The following GRM8 variants were observed in gnomAD, a reference collection of about 807,000 sequenced individuals.
GRM8 encodes metabotropic glutamate receptor 8.
GRM8 carries 47 observed loss-of-function variants against 87.2 expected under a neutral mutation model. That is an observed-to-expected ratio of 0.54 (90% CI 0.43 to 0.69). GRM8 has a LOEUF of 0.69. Ranked by LOEUF, GRM8 falls within the 30% of genes least tolerant of loss-of-function variation. GRM8 has a pLI of 0.00. For missense variants in GRM8, 1,019 were observed against 1,139.2 expected, an observed-to-expected ratio of 0.89 and a Z score of 1.52; for synonymous variants, 396 against 404.5, an observed-to-expected ratio of 0.98 and a Z score of 0.25.
intron 3 of GRM8, among the ~76,000 whole-genome samples, chr7:127,096,213 G>C (rs1413772432): frequency 6.6e-6 from 1 of 152,108 alleles, no homozygotes; most frequent in African/African-American, 2.4e-5. Flanking sequence ...TATATATTCA[G>C]GCCAGTAAGA....
intron 6 of GRM8, among the ~76,000 whole-genome samples, chr7:126,808,132 GA>G (rs770727895): frequency 1.2e-3 from 178 of 152,152 alleles, no homozygotes; most frequent in Non-Finnish European, 1.9e-3. Flanking sequence ...TGTGAAATTG[GA>G]GACTCAATTT....
chr7:126,815,929 G>C (rs1793746124), intron 6 of GRM8, among the ~76,000 whole-genome samples: 1 of 151,932 alleles, frequency 6.6e-6, no homozygotes, highest in Non-Finnish European at 1.5e-5. Context: ...AAATGGTGAA[G>C]GTCTTAAGCC....
chr7:127,222,426 A>C (rs1796997122), intron 2 of GRM8, among the ~76,000 whole-genome samples: 1 of 151,992 alleles, frequency 6.6e-6, no homozygotes, highest in East Asian at 1.9e-4. Flanking sequence ...AATCACCAAC[A>C]AGCCACCCAT....
intron 9 of GRM8, among the ~76,000 whole-genome samples, chr7:126,460,274 A>C (rs576897507): frequency 6.6e-6 from 1 of 151,710 alleles, no homozygotes; most frequent in South Asian, 2.1e-4. Flanking sequence ...AAGTCACTAT[A>C]CCTAGCCAAG....
At chr7:126,909,171 A>G (rs911984686) in intron 3 of GRM8, among the ~76,000 whole-genome samples, 2 of 152,264 alleles carry the variant, frequency 1.3e-5, no homozygotes, top group African/African-American at 4.8e-5. Flanking sequence ...AGATAACAGC[A>G]TAAGATACAC....
At chr7:126,622,445 T>C (rs1800275248) in intron 7 of GRM8, among the ~76,000 whole-genome samples, 1 of 152,050 alleles carries the variant, frequency 6.6e-6, no homozygotes, top group Non-Finnish European at 1.5e-5. Context: ...CTTCATACGT[T>C]TCCACTGAGA....
chr7:126,916,295 T>C (rs2131328386), intron 3 of GRM8, among the ~76,000 whole-genome samples: 1 of 152,316 alleles, frequency 6.6e-6, no homozygotes, highest in East Asian at 1.9e-4. Context: ...TATTTCTAAG[T>C]CTAGTGAAGC....
At chr7:126,607,883 G>A (rs1043190720) in intron 8 of GRM8, among the ~76,000 whole-genome samples, 2 of 128,716 alleles carry the variant, frequency 1.6e-5, no homozygotes, top group East Asian at 4.5e-4. Flanking sequence ...AGACTGTGAT[G>A]TTCCCCTTCC....
chr7:126,831,044 G>C (rs1238462424), intron 6 of GRM8, among the ~76,000 whole-genome samples: 1 of 152,204 alleles, frequency 6.6e-6, no homozygotes, highest in African/African-American at 2.4e-5. Context: ...GAATGCTGCT[G>C]TCTGATCGTT....
At chr7:126,445,633 G>A (rs181261321) in intron 10 of GRM8, among the ~76,000 whole-genome samples, 2 of 152,108 alleles carry the variant, frequency 1.3e-5, no homozygotes, top group East Asian at 1.9e-4. Flanking sequence ...GGAGAAACAA[G>A]TATTAACTGT....
At chr7:126,864,235 G>A (rs1031016210) in intron 6 of GRM8, among the ~76,000 whole-genome samples, 2 of 151,876 alleles carry the variant, frequency 1.3e-5, no homozygotes, top group Admixed American at 1.3e-4. Context: ...TCACTGTGAT[G>A]TTTCTAAGTG....
At chr7:126,522,661 G>A (rs1338531891) in intron 9 of GRM8, among the ~76,000 whole-genome samples, 1 of 152,180 alleles carries the variant, frequency 6.6e-6, no homozygotes, top group African/African-American at 2.4e-5. Flanking sequence ...TACAAACAAT[G>A]CCCAACTTTC....
intron 7 of GRM8, among the ~76,000 whole-genome samples, chr7:126,679,898 G>T (rs1807360246): frequency 6.6e-6 from 1 of 152,102 alleles, no homozygotes; most frequent in Admixed American, 6.5e-5. Context: ...AGGCCAGGTG[G>T]CAGGCACCTG....
intron 3 of GRM8, among the ~76,000 whole-genome samples, chr7:127,070,143 A>C (rs1484426615): frequency 6.6e-6 from 1 of 152,166 alleles, no homozygotes; most frequent in Non-Finnish European, 1.5e-5. Context: ...CCATTCACTA[A>C]AATAAGTGGA....
At chr7:126,968,879 G>A (rs1207435209) in intron 3 of GRM8, among the ~76,000 whole-genome samples, 2 of 152,240 alleles carry the variant, frequency 1.3e-5, no homozygotes, top group African/African-American at 4.8e-5. Flanking sequence ...GCTTGATTTA[G>A]TCACCCCACA....
chr7:126,569,167 AG>A (rs1794488181), intron 8 of GRM8, among the ~76,000 whole-genome samples: 1 of 152,176 alleles, frequency 6.6e-6, no homozygotes, highest in African/African-American at 2.4e-5. Context: ...CTATCTAACA[AG>A]AAAAATTTTG....
At chr7:126,754,037 T>C (rs1235568849) in intron 7 of GRM8, among the ~76,000 whole-genome samples, 6 of 151,874 alleles carry the variant, frequency 4.0e-5, no homozygotes, top group Admixed American at 2.6e-4. Context: ...CGGATAATGA[T>C]ATGGCATTTA....
At chr7:127,244,837 T>C (rs377546116) in intron 1 of GRM8, among the ~76,000 whole-genome samples, 1 of 152,310 alleles carries the variant, frequency 6.6e-6, no homozygotes, top group East Asian at 1.9e-4. Flanking sequence ...AGAGGGCTCA[T>C]AGCAGCCCAC....
At chr7:126,603,764 T>C (rs936440795) in intron 8 of GRM8, among the ~76,000 whole-genome samples, 2 of 152,086 alleles carry the variant, frequency 1.3e-5, no homozygotes, top group Non-Finnish European at 2.9e-5. Context: ...TTTGTGTATA[T>C]ATGTATCATA....
Sources: gnomAD v4.1 joint callset for allele counts (sites outside exome capture counted in the v4.1 genomes callset) on GRCh38, gnomAD v4.1.1 for gene constraint, MANE v1.5 for transcripts, NCBI Gene and HGNC (gene_info 2026-07-23, HGNC 2026-07-21) for gene names.